ARG2: variants seen among roughly 807,000 people sequenced by gnomAD.
ARG2 encodes the protein arginase 2.
Under a neutral mutation model 39.4 loss-of-function variants are expected in ARG2, and 21 were observed. The ratio of observed to expected loss-of-function variants is 0.53; its 90% CI spans 0.38 to 0.77. ARG2 has a LOEUF of 0.77. Among genes scored for constraint, ARG2 ranks in the 30% least tolerant of loss-of-function variants. The pLI is 0.00. For synonymous variants in ARG2, 150 were observed against 156.7 expected (o/e 0.96, Z 0.32); for missense variants, 378 against 426.2 (o/e 0.89, Z 1.00).
chr14:67,640,075 A>G (rs985138426), intron 2 of ARG2, among the ~76,000 whole-genome samples: 5 of 152,136 alleles, frequency 3.3e-5, no homozygotes, highest in Non-Finnish European at 5.9e-5. Context: ...GATTTGGTGA[A>G]GTCCATAATG....
Position 67,645,819 on chromosome 14 carries a change from G to A in ARG2, c.522+17G>A, listed in dbSNP as rs763651099. 41 of 1,612,164 alleles carry A rather than the reference G, an allele frequency of 2.5e-5. No individual in the cohort carries two copies. The highest frequency in any genetic ancestry group is 1.3e-4 in the African/African-American group (10 of 74,836). On this transcript the variant is annotated intron_variant, in intron 4 of 7. Coordinates refer to ENST00000261783, the MANE Select transcript of ARG2 (RefSeq NM_001172.4). ...CAGGATAAGGTCAGTGGGCCAAAAC[G>A]AAAAGAAAGGTGAATGGCTTGCAGG...
At chr14:67,642,448 C>A in intron 3 of ARG2, 85 bp downstream of exon 3, 2 of 1,458,676 alleles carry the variant, frequency 1.4e-6, no homozygotes, top group Non-Finnish European at 1.9e-6. Flanking sequence ...GTTTCTTCAT[C>A]TGGAGAAAAA....
At chr14:67,640,486 TTA>T (rs2037018406) in intron 2 of ARG2, among the ~76,000 whole-genome samples, 1 of 152,216 alleles carries the variant, frequency 6.6e-6, no homozygotes, top group African/African-American at 2.4e-5. Context: ...CCTCAAATTT[TTA>T]TATTTCTTCA....
Position 67,634,973 on chromosome 14 carries a change from C to T in ARG2, c.185-7213C>T, listed in dbSNP as rs539757962. The stretch of plus-strand genomic sequence containing the variant: ...ACACATGGTTCTTTGGCTGGGCGCA[C>T]GGTGGCTCACGCCTGTAATCCAGCA... On this transcript the variant is annotated intron_variant, in intron 2 of 7. Transcript: ENST00000261783. Among the ~76,000 whole-genome samples the T allele has an allele frequency of 1.0e-3, 152 of 152,236 alleles. 1 individual carries two copies. Among genetic ancestry groups the T allele is most frequent in the African/African-American group, 3.5e-3 (145 of 41,540 alleles).
intron 2 of ARG2, among the ~76,000 whole-genome samples, chr14:67,637,276 G>A (rs12892204): frequency 0.12 from 18,766 of 151,830 alleles, 1,422 homozygotes; most frequent in South Asian, 0.33. Flanking sequence ...TGGGCATGGT[G>A]GTGCATGCCT....
rs1401887006 is a variant in ARG2, at chr14:67,620,091, G to A, written c.111+3G>A. On this transcript the variant is annotated splice_donor_region_variant and intron_variant, in intron 1 of 7. Transcript: ENST00000261783. ...GAGCCCCGTTCTCACAAGGGCAGGT[G>A]AGAACTGGCACCTGGAACCGCCGGG... is the stretch of plus-strand genomic sequence containing the variant. 1.3e-6 allele frequency: 2 copies of A among 1,593,942 alleles called. No individual in the cohort carries two copies. The highest frequency in any genetic ancestry group is 2.3e-5 in the South Asian group (2 of 88,730).
intron 2 of ARG2, among the ~76,000 whole-genome samples, chr14:67,627,999 CT>C (rs2036885202): frequency 6.6e-6 from 1 of 152,098 alleles, no homozygotes; most frequent in African/African-American, 2.4e-5. Flanking sequence ...TTTATATTTC[CT>C]TTAGAGATCT....
At chr14:67,649,138 C>T (rs951555748) in intron 7 of ARG2, 1 of 152,194 alleles carries the variant, frequency 6.6e-6, no homozygotes, top group African/African-American at 2.4e-5. Context: ...TTCCTAAAAA[C>T]ACCACTTAGA....
In ARG2 at chr14:67,642,362, A is replaced by G. The variant is rs1235995580; in HGVS notation, c.361A>G (p.Ser121Gly). The change falls in exon 3 of 8, where the codon AGC becomes GGC. Residue 121 changes from serine (S) to glycine (G), a missense_variant and splice_region_variant. Ser to Gly is a moderately conservative substitution (Grantham distance 56, BLOSUM62 0). Coordinates refer to ENST00000261783, the MANE Select transcript of ARG2 (RefSeq NM_001172.4). ...CTGTGTCACACTGGGAGGAGACCAC[A>G]GGTAAGCTGGGAGCCAGGCGTGGTG... ...YSCVTLGGDH[S>G]LAIGTISGHA... 6.2e-7 allele frequency: 1 copy of G among 1,613,410 alleles called. No homozygotes were observed. The highest frequency in any genetic ancestry group is 2.2e-5 in the East Asian group (1 of 44,892).
In ARG2 at chr14:67,648,201, C is replaced by T. The variant is rs1566807033; in HGVS notation, c.859+18C>T. 3 of 1,607,896 alleles carry T rather than the reference C, an allele frequency of 1.9e-6. No individual in the cohort carries two copies. Among genetic ancestry groups the T allele is most frequent in the Admixed American group, 3.4e-5 (2 of 59,466 alleles). ...CAATACAGGTATGTAGCAACCAGGTCTGCAGCCTGTTAACTACATAGGTAA... is the reference window on the plus strand; with the variant it reads ...CAATACAGGTATGTAGCAACCAGGTTTGCAGCCTGTTAACTACATAGGTAA... On this transcript the variant is annotated intron_variant, in intron 7 of 7. Coordinates refer to ENST00000261783, the MANE Select transcript of ARG2 (RefSeq NM_001172.4).
intron 2 of ARG2, among the ~76,000 whole-genome samples, chr14:67,623,534 CTTTTTTTTTTTTTT>C (rs60604937): frequency 1.2e-5 from 1 of 82,948 alleles, no homozygotes; most frequent in Admixed American, 1.7e-4. Context: ...CTCAGGTAAC[CTTTTTTTTTTTTTT>C]TTTTTTTTTT....
intron 2 of ARG2, among the ~76,000 whole-genome samples, chr14:67,626,553 C>T (rs1019510616): frequency 6.6e-6 from 1 of 152,112 alleles, no homozygotes; most frequent in African/African-American, 2.4e-5. Context: ...CGCTCTTTCA[C>T]CCAGGCTGGA....
intron 2 of ARG2, among the ~76,000 whole-genome samples, chr14:67,640,385 GA>G (rs2037017363): frequency 1.3e-5 from 2 of 152,202 alleles, no homozygotes; most frequent in African/African-American, 4.8e-5. Context: ...AGGAAAAAAA[GA>G]ATAGGACAAA....
intron 2 of ARG2, among the ~76,000 whole-genome samples, chr14:67,630,718 A>G (rs1396295420): frequency 1.3e-5 from 2 of 152,136 alleles, no homozygotes; most frequent in Non-Finnish European, 2.9e-5. Flanking sequence ...AGCTGGGATT[A>G]CAGGCAGCTG....
At chr14:67,648,549 G>T (rs2037131283) in intron 7 of ARG2, 1 of 161,052 alleles carries the variant, frequency 6.2e-6, no homozygotes, top group Non-Finnish European at 1.3e-5. Context: ...CTAAGAGATT[G>T]GTTCATTGGG....
Position 67,635,824 on chromosome 14 carries a change from C to T in ARG2, c.185-6362C>T, listed in dbSNP as rs144159856. Among the ~76,000 whole-genome samples, 264 of 152,218 alleles carry T rather than the reference C, an allele frequency of 1.7e-3. 2 individuals are homozygous for T. Among genetic ancestry groups the T allele is most frequent in the Admixed American group, 4.4e-3 (68 of 15,294 alleles). ...CCAAGATCACGCCACTTCACTCCAG[C>T]GTGGGTGAAAGAGCAAAACTTCATC... On this transcript the variant is annotated intron_variant, in intron 2 of 7. Coordinates refer to ENST00000261783, the MANE Select transcript of ARG2 (RefSeq NM_001172.4).
chr14:67,639,637 T>G (rs2037008821), intron 2 of ARG2, among the ~76,000 whole-genome samples: 1 of 152,012 alleles, frequency 6.6e-6, no homozygotes. Flanking sequence ...ATCTGTACAG[T>G]ACACTGGGTG....
At position 67,651,586 on chromosome 14, in the gene ARG2, A is replaced by ATGT; in HGVS notation, c.*668_*670dup. On this transcript the variant is annotated 3_prime_UTR_variant, in exon 8 of 8. Coordinates refer to ENST00000261783, the MANE Select transcript of ARG2 (RefSeq NM_001172.4). ...CCACGGCTGGATACTCTGAGGCTGT[A>ATGT]TGTTTGATCACACAGCCACTTAGCA... The ATGT allele has an allele frequency of 7.9e-7, 1 of 1,271,000 alleles. No homozygotes were observed. The highest frequency in any genetic ancestry group is 1.5e-5 in the South Asian group (1 of 67,856). 78.7% of individuals were successfully genotyped at this position (1,271,000 alleles called of 1,614,324 possible).
chr14:67,628,737 T>G (rs1178040158), intron 2 of ARG2, among the ~76,000 whole-genome samples: 1 of 152,154 alleles, frequency 6.6e-6, no homozygotes. Context: ...TAAGAAGTGT[T>G]GATGAAGATG....
Sources: gnomAD v4.1 joint callset for allele counts (sites outside exome capture counted in the v4.1 genomes callset) on GRCh38, gnomAD v4.1.1 for gene constraint, MANE v1.5 for transcripts, NCBI Gene and HGNC (gene_info 2026-07-23, HGNC 2026-07-21) for gene names.